Variants in STAG1 observed in about 807,000 individuals in gnomAD.
The protein encoded by STAG1 is cohesin subunit SA-1.
In STAG1, 26 loss-of-function variants were observed where a neutral mutation model predicts 170.9. That is an observed-to-expected ratio of 0.15 (90% CI 0.11 to 0.21). STAG1 has a LOEUF of 0.21. Ranked by LOEUF, STAG1 falls within the 10% of genes least tolerant of loss-of-function variation. STAG1 has a pLI of 1.00. For synonymous variants in STAG1, 514 were observed against 497.7 expected (o/e 1.03, Z -0.44); for missense variants, 964 against 1,509.5 (o/e 0.64, Z 5.99).
rs184681645 is a variant in STAG1 at position 136,355,007 on chromosome 3, G to C, written c.3065+2713C>G. 2.5e-3 allele frequency among the ~76,000 whole-genome samples: 378 copies of C among 152,050 alleles called. 3 individuals carry two copies. The highest frequency in any genetic ancestry group is 0.012 in the Admixed American group (178 of 15,272). On this transcript the variant is annotated intron_variant, in intron 28 of 33. Transcript: ENST00000383202. Reference sequence around the variant, plus strand: ...TAGTATGACACAAAAATGTCTTAGAGAATGACACTTTAGAATAAGACTCAA... The same window carrying C: ...TAGTATGACACAAAAATGTCTTAGACAATGACACTTTAGAATAAGACTCAA...
intron 1 of STAG1, among the ~76,000 whole-genome samples, chr3:136,667,184 G>C (rs149724608): frequency 1.6e-3 from 243 of 152,156 alleles, no homozygotes; most frequent in Non-Finnish European, 2.5e-3. Context: ...TTTAAAAATG[G>C]AGGAGAAAAG....
intron 31 of STAG1, 83 bp downstream of exon 31, chr3:136,341,358 C>T (rs747053487): frequency 1.1e-6 from 1 of 916,194 alleles, no homozygotes; most frequent in Non-Finnish European, 1.8e-6. Flanking sequence ...TAAGACCAAA[C>T]ATCAAAGAAA....
At chr3:136,458,336 T>C (rs915796529) in intron 13 of STAG1, among the ~76,000 whole-genome samples, 11 of 152,196 alleles carry the variant, frequency 7.2e-5, no homozygotes, top group African/African-American at 2.7e-4. Flanking sequence ...TTTATATTTT[T>C]AGCAGAGACA....
intron 10 of STAG1, among the ~76,000 whole-genome samples, chr3:136,475,550 A>G (rs1370927685): frequency 6.6e-6 from 1 of 152,182 alleles, no homozygotes; most frequent in Non-Finnish European, 1.5e-5. Flanking sequence ...GCTGGAACCA[A>G]GAGTGGTCCT....
At chr3:136,478,727 CT>C (rs2089830183) in intron 9 of STAG1, among the ~76,000 whole-genome samples, 1 of 152,150 alleles carries the variant, frequency 6.6e-6, no homozygotes, top group African/African-American at 2.4e-5. Flanking sequence ...AAAACATTCT[CT>C]TTCCAAGCCA....
At chr3:136,364,785 C>T (rs1012622933) in intron 25 of STAG1, among the ~76,000 whole-genome samples, 2 of 152,140 alleles carry the variant, frequency 1.3e-5, no homozygotes, top group Non-Finnish European at 2.9e-5. Context: ...CTAAAGTCTA[C>T]AGCCTATGTG....
intron 7 of STAG1, among the ~76,000 whole-genome samples, chr3:136,517,139 G>A (rs921324890): frequency 6.6e-6 from 1 of 152,118 alleles, no homozygotes; most frequent in African/African-American, 2.4e-5. Flanking sequence ...ATAAAGAAAT[G>A]TTTATCCCTC....
chr3:136,714,786 A>G (rs1373635924), intron 1 of STAG1, among the ~76,000 whole-genome samples: 6 of 149,576 alleles, frequency 4.0e-5, no homozygotes, highest in African/African-American at 1.5e-4. Context: ...GCACATGCCT[A>G]TATTCTCAGC....
At chr3:136,418,102 C>T (rs538323454) in intron 20 of STAG1, 130 bp from the exon 21 acceptor site, 37 of 708,712 alleles carry the variant, frequency 5.2e-5, no homozygotes, top group Admixed American at 8.0e-5. Flanking sequence ...GCCTGTAATC[C>T]CAGCACTCTG....
At chr3:136,346,653 TTTATACAC>T (rs1417724648) in intron 29 of STAG1, among the ~76,000 whole-genome samples, 1 of 152,230 alleles carries the variant, frequency 6.6e-6, no homozygotes, top group African/African-American at 2.4e-5. Context: ...TTATAAGACA[TTTATACAC>T]TTATACGTCA....
At chr3:136,419,429 C>T (rs1409703802) in intron 20 of STAG1, among the ~76,000 whole-genome samples, 1 of 151,978 alleles carries the variant, frequency 6.6e-6, no homozygotes, top group Non-Finnish European at 1.5e-5. Context: ...AATTTGACAA[C>T]ACAAATTTCA....
intron 1 of STAG1, among the ~76,000 whole-genome samples, chr3:136,688,328 T>C (rs1252636376): frequency 6.6e-6 from 1 of 152,218 alleles, no homozygotes; most frequent in Non-Finnish European, 1.5e-5. Flanking sequence ...TTGCAGACTG[T>C]GGTGTTTCAG....
chr3:136,419,858 T>C (rs991648943), intron 20 of STAG1, among the ~76,000 whole-genome samples: 3 of 152,096 alleles, frequency 2.0e-5, no homozygotes, highest in East Asian at 1.9e-4. Context: ...TAAGCCTAAT[T>C]TGTTAAATAC....
intron 1 of STAG1, among the ~76,000 whole-genome samples, chr3:136,725,062 G>A (rs1041028945): frequency 1.3e-5 from 2 of 152,140 alleles, no homozygotes; most frequent in Non-Finnish European, 2.9e-5. Context: ...AATGGAAGTA[G>A]TCTAATACTT....
intron 13 of STAG1, among the ~76,000 whole-genome samples, chr3:136,456,895 T>C (rs1056609116): frequency 6.6e-6 from 1 of 152,176 alleles, no homozygotes; most frequent in Non-Finnish European, 1.5e-5. Flanking sequence ...TATCCAAGAA[T>C]ACTGTACCTA....
At chr3:136,339,306 C>T (rs1425307297) in intron 32 of STAG1, among the ~76,000 whole-genome samples, 3 of 152,096 alleles carry the variant, frequency 2.0e-5, no homozygotes, top group Admixed American at 6.6e-5. Context: ...GGGCGGATCA[C>T]GAGGTCAAGA....
chr3:136,476,137 C>T (rs1417124160), intron 10 of STAG1, among the ~76,000 whole-genome samples: 1 of 152,148 alleles, frequency 6.6e-6, no homozygotes, highest in Non-Finnish European at 1.5e-5. Flanking sequence ...TAGTATGTTT[C>T]CTCCTTACTC....
At chr3:136,607,298 T>C (rs187202580) in intron 3 of STAG1, among the ~76,000 whole-genome samples, 1 of 152,346 alleles carries the variant, frequency 6.6e-6, no homozygotes, top group African/African-American at 2.4e-5. Flanking sequence ...TTCTCTCACA[T>C]GGAAGATTTG....
intron 9 of STAG1, among the ~76,000 whole-genome samples, chr3:136,487,105 A>G (rs1703912716): frequency 6.7e-6 from 1 of 148,506 alleles, no homozygotes; most frequent in Admixed American, 6.8e-5. Flanking sequence ...GCACCTATTG[A>G]CCCGTCCTCT....
Sources: gnomAD v4.1 joint callset for allele counts (sites outside exome capture counted in the v4.1 genomes callset) on GRCh38, gnomAD v4.1.1 for gene constraint, MANE v1.5 for transcripts, NCBI Gene and HGNC (gene_info 2026-07-23, HGNC 2026-07-21) for gene names.